Variants in XIRP2 observed in about 807,000 individuals in gnomAD.
The protein encoded by XIRP2 is xin actin binding repeat containing 2, also known as xin actin-binding repeat-containing protein 2.
XIRP2 carries 236 observed loss-of-function variants against 277.0 expected under a neutral mutation model. The ratio of observed to expected loss-of-function variants is 0.85; its 90% CI spans 0.77 to 0.95. XIRP2 has a LOEUF of 0.95. Ranked by LOEUF, XIRP2 falls within the 40% of genes least tolerant of loss-of-function variation. The probability of loss-of-function intolerance (pLI) is 0.00; values close to 1 mark genes in which losing one functional copy is unlikely to be tolerated. For missense variants in XIRP2, 4,640 were observed against 4,157.5 expected (o/e 1.12, Z -3.19); for synonymous variants, 1,490 against 1,416.5 (o/e 1.05, Z -1.17).
chr2:167,062,217 A>G (rs1255194738), intron 2 of XIRP2, among the ~76,000 whole-genome samples: 2 of 152,176 alleles, frequency 1.3e-5, no homozygotes, highest in Non-Finnish European at 2.9e-5. Context: ...CGATAGCTGG[A>G]TAGAATTCTG....
At chr2:167,124,219 T>G (rs966734032) in intron 2 of XIRP2, 4 of 152,150 alleles carry the variant, frequency 2.6e-5, no homozygotes, top group African/African-American at 9.7e-5. Flanking sequence ...AGACCGTAAT[T>G]TTAGGACTGA....
Position 167,250,804 on chromosome 2 carries a change from A to G in XIRP2, c.9412A>G (p.Lys3138Glu). 6.2e-7 allele frequency: 1 copy of G among 1,613,502 alleles called. No individual in the cohort carries two copies. The highest frequency in any genetic ancestry group is 1.3e-5 in the African/African-American group (1 of 74,926). Residue 3138 changes from lysine to glutamate, a missense_variant, in exon 9 of 11, where the codon AAG (lysine) becomes GAG (glutamate). Transcript: ENST00000409195. ...TGCCCGACGAACAGAAAACCCTACT[A>G]AGAACGAGCTTTCTCAGTCCCCTAA... is the stretch of plus-strand genomic sequence containing the variant. ...STARRTENPTKNELSQSPKKD... is the reference protein window; with the variant it reads ...STARRTENPTENELSQSPKKD...
chr2:166,938,770 TG>T (rs1685598518), intron 2 of XIRP2, among the ~76,000 whole-genome samples: 1 of 152,242 alleles, frequency 6.6e-6, no homozygotes, highest in African/African-American at 2.4e-5. Flanking sequence ...TTTATGAATC[TG>T]GGTGCTCCTG....
chr2:166,985,055 T>C (rs1440552131), intron 2 of XIRP2, among the ~76,000 whole-genome samples: 1 of 152,254 alleles, frequency 6.6e-6, no homozygotes, highest in Non-Finnish European at 1.5e-5. Flanking sequence ...GGAACTCTTA[T>C]TGCCAGATAT....
At chr2:167,034,442 T>G (rs1688453337) in intron 2 of XIRP2, among the ~76,000 whole-genome samples, 1 of 150,882 alleles carries the variant, frequency 6.6e-6, no homozygotes, top group Non-Finnish European at 1.5e-5. Flanking sequence ...TATTAATAAT[T>G]ACATGAATAT....
At position 167,244,289 on chromosome 2, in the gene XIRP2, T is replaced by C; in HGVS notation, c.2897T>C (p.Ile966Thr). 1.2e-6 allele frequency: 2 copies of C among 1,613,850 alleles called. No individual in the cohort carries two copies. Among genetic ancestry groups the C allele is most frequent in the Non-Finnish European group, 1.7e-6 (2 of 1,179,868 alleles). ...NLIKFDASHK[I>T]EVEGVTRGAV... is the part of the protein sequence containing the mutation. ...ATTAAATTTGATGCATCACATAAAA[T>C]AGAGGTGGAAGGAGTTACAAGAGGT... Residue 966 changes from isoleucine (I) to threonine (T), a missense_variant, in exon 9 of 11, where the codon ATA becomes ACA. Physicochemically the swap from Ile to Thr is moderately conservative, Grantham distance 89 (BLOSUM62 -1). Transcript: ENST00000409195.
chr2:167,088,074 G>C (rs919830304), intron 2 of XIRP2, among the ~76,000 whole-genome samples: 60 of 152,268 alleles, frequency 3.9e-4, no homozygotes, highest in African/African-American at 1.3e-3. Flanking sequence ...TCTGGCAACA[G>C]CTATCTTAAA....
chr2:167,239,086 G>T (rs1323554056), intron 5 of XIRP2, among the ~76,000 whole-genome samples: 1 of 151,964 alleles, frequency 6.6e-6, no homozygotes, highest in East Asian at 1.9e-4. Flanking sequence ...ACATTTAATG[G>T]TTATATTCTT....
chr2:167,109,853 A>G (rs1048645531), intron 2 of XIRP2, among the ~76,000 whole-genome samples: 1 of 151,936 alleles, frequency 6.6e-6, no homozygotes, highest in African/African-American at 2.4e-5. Context: ...TTTTCTTTTT[A>G]GTAATAGCCA....
chr2:166,941,821 T>G (rs937599681), intron 2 of XIRP2, among the ~76,000 whole-genome samples: 1 of 152,238 alleles, frequency 6.6e-6, no homozygotes, highest in Non-Finnish European at 1.5e-5. Context: ...AAGACAGTTT[T>G]GTATCTTACT....
At chr2:166,911,977 A>G (rs896098002) in intron 2 of XIRP2, among the ~76,000 whole-genome samples, 11 of 152,282 alleles carry the variant, frequency 7.2e-5, no homozygotes, top group Admixed American at 2.0e-4. Flanking sequence ...CGAGAGATCC[A>G]CTGTTAGTCT....
At chr2:167,029,104 A>C (rs1042397735) in intron 2 of XIRP2, among the ~76,000 whole-genome samples, 3 of 152,012 alleles carry the variant, frequency 2.0e-5, no homozygotes, top group Non-Finnish European at 2.9e-5. Context: ...CCTATGACTT[A>C]ATGGTCTTAA....
intron 2 of XIRP2, among the ~76,000 whole-genome samples, chr2:166,986,429 C>A (rs1687007203): frequency 6.6e-6 from 1 of 152,174 alleles, no homozygotes; most frequent in Non-Finnish European, 1.5e-5. Flanking sequence ...TCAACTGAAA[C>A]TTGCAATGTG....
At chr2:166,910,102 G>C (rs1684657102) in intron 2 of XIRP2, among the ~76,000 whole-genome samples, 1 of 152,122 alleles carries the variant, frequency 6.6e-6, no homozygotes, top group Non-Finnish European at 1.5e-5. Context: ...GTCAGACTTT[G>C]GTATCGCGAT....
At chr2:167,193,850 C>T (rs1336188462) in intron 3 of XIRP2, among the ~76,000 whole-genome samples, 2 of 141,324 alleles carry the variant, frequency 1.4e-5, no homozygotes, top group African/African-American at 2.7e-5. Context: ...TACACTCCAG[C>T]CTGGGTGACA....
chr2:166,988,240 T>C (rs1432886687), intron 2 of XIRP2, among the ~76,000 whole-genome samples: 1 of 152,082 alleles, frequency 6.6e-6, no homozygotes. Flanking sequence ...GTAAACTCAA[T>C]GTATTAAGAA....
rs778295452 is a variant in XIRP2 at position 167,258,151 on chromosome 2, A to T, written c.*334A>T. On this transcript the variant is annotated 3_prime_UTR_variant, in exon 11 of 11. Coordinates refer to ENST00000409195, the MANE Select transcript of XIRP2 (RefSeq NM_152381.6). ...GAAAATTAGGGGAAAGGGGAAAATT[A>T]AAAGTCATTTGGCCTCCTTCCAAGG... 1 of 1,613,126 alleles carries T rather than the reference A, an allele frequency of 6.2e-7. No homozygotes were observed. The highest frequency in any genetic ancestry group is 1.3e-5 in the African/African-American group (1 of 74,972).
intron 2 of XIRP2, among the ~76,000 whole-genome samples, chr2:167,089,770 AT>A (rs932815952): frequency 5.3e-5 from 8 of 152,096 alleles, no homozygotes; most frequent in African/African-American, 1.7e-4. Flanking sequence ...CCACAGCTAC[AT>A]TTTTTTTAAG....
intron 2 of XIRP2, among the ~76,000 whole-genome samples, chr2:167,126,452 A>G (rs1691206157): frequency 6.6e-6 from 1 of 152,118 alleles, no homozygotes; most frequent in African/African-American, 2.4e-5. Context: ...GAGGAGTGGA[A>G]GGTACATTAC....
Sources: gnomAD v4.1 joint callset for allele counts (sites outside exome capture counted in the v4.1 genomes callset) on GRCh38, gnomAD v4.1.1 for gene constraint, MANE v1.5 for transcripts, NCBI Gene and HGNC (gene_info 2026-07-23, HGNC 2026-07-21) for gene names.